The following CNTN4 variants were observed in gnomAD, a reference collection of about 807,000 sequenced individuals.
CNTN4 encodes contactin 4.
A neutral mutation model predicts 122.5 loss-of-function variants in CNTN4; 77 were observed. The observed-to-expected ratio is 0.63, with a 90% CI of 0.52 to 0.76. The LOEUF (loss-of-function observed/expected upper bound fraction) is 0.76. CNTN4 is among the 30% of genes least tolerant of loss of function. The pLI is 0.00. For synonymous variants in CNTN4, 512 were observed against 447.0 expected, an observed-to-expected ratio of 1.15 and a Z score of -1.83; for missense variants, 1,256 against 1,259.1, an observed-to-expected ratio of 1.00 and a Z score of 0.04.
chr3:2,966,481 A>G (rs982368673), intron 13 of CNTN4, among the ~76,000 whole-genome samples: 2 of 152,180 alleles, frequency 1.3e-5, no homozygotes, highest in African/African-American at 4.8e-5. Flanking sequence ...TACCAGAAGG[A>G]GGGAGGGGTG....
At chr3:2,591,141 A>G (rs987188054) in intron 4 of CNTN4, among the ~76,000 whole-genome samples, 1 of 152,192 alleles carries the variant, frequency 6.6e-6, no homozygotes, top group African/African-American at 2.4e-5. Flanking sequence ...GCATCTCACC[A>G]TCTAGACTGG....
chr3:2,514,524 G>A (rs140138806), intron 3 of CNTN4, among the ~76,000 whole-genome samples: 321 of 152,012 alleles, frequency 2.1e-3, no homozygotes, highest in African/African-American at 7.3e-3. Context: ...TTTAGTAACT[G>A]TAATACTTTT....
chr3:2,318,907 T>G (rs1030837480), intron 2 of CNTN4, among the ~76,000 whole-genome samples: 3 of 152,138 alleles, frequency 2.0e-5, no homozygotes, highest in African/African-American at 7.2e-5. Flanking sequence ...CCGCCCAAGT[T>G]GGGGATAACC....
intron 2 of CNTN4, among the ~76,000 whole-genome samples, chr3:2,330,845 G>A (rs1476842673): frequency 6.6e-6 from 1 of 152,072 alleles, no homozygotes; most frequent in East Asian, 1.9e-4. Flanking sequence ...AGAAACGTAG[G>A]TACTGTTTTC....
intron 4 of CNTN4, among the ~76,000 whole-genome samples, chr3:2,712,701 C>T (rs926286760): frequency 1.3e-5 from 2 of 152,140 alleles, no homozygotes; most frequent in African/African-American, 4.8e-5. Flanking sequence ...GGTCTGGTCA[C>T]CAGAAAGACA....
intron 2 of CNTN4, among the ~76,000 whole-genome samples, chr3:2,135,176 G>T (rs191906019): frequency 4.5e-4 from 68 of 152,244 alleles, no homozygotes; most frequent in African/African-American, 1.6e-3. Flanking sequence ...GAGCATTAGA[G>T]ATGGCCTGTG....
intron 2 of CNTN4, among the ~76,000 whole-genome samples, chr3:2,338,180 G>T (rs903889170): frequency 4.6e-5 from 7 of 152,022 alleles, no homozygotes; most frequent in Non-Finnish European, 7.4e-5. Context: ...GAATATATTA[G>T]CAATATGAAG....
At chr3:2,995,501 G>A (rs1182813109) in intron 14 of CNTN4, among the ~76,000 whole-genome samples, 1 of 152,152 alleles carries the variant, frequency 6.6e-6, no homozygotes, top group Non-Finnish European at 1.5e-5. Context: ...CCTTGGTCTA[G>A]AGGGAAGATG....
At chr3:2,726,195 C>T (rs2088211080) in intron 4 of CNTN4, among the ~76,000 whole-genome samples, 1 of 152,256 alleles carries the variant, frequency 6.6e-6, no homozygotes, top group African/African-American at 2.4e-5. Flanking sequence ...GTAAGCAATT[C>T]TAGACTACAA....
intron 7 of CNTN4, among the ~76,000 whole-genome samples, chr3:2,832,659 G>A (rs1262313131): frequency 6.6e-6 from 1 of 152,170 alleles, no homozygotes; most frequent in African/African-American, 2.4e-5. Context: ...GGGGAAGGGT[G>A]TTTCAGTTTA....
chr3:2,744,608 A>C (rs2089654669), intron 5 of CNTN4, among the ~76,000 whole-genome samples: 1 of 152,226 alleles, frequency 6.6e-6, no homozygotes, highest in South Asian at 2.1e-4. Context: ...GGGGTAAACG[A>C]ATCGGATAGT....
In CNTN4 at chr3:2,447,832, A is replaced by G. The variant is rs1424912733; in HGVS notation, c.-89+108599A>G. Among the ~76,000 whole-genome samples, 4 of 152,284 alleles carry G rather than the reference A, an allele frequency of 2.6e-5. No individual in the cohort carries two copies. The East Asian group carries it at 5.8e-4, about 22-fold the overall frequency. ...TGTTAATAAGTACTTCAAATGCATT[A>G]TCTCTTTCAATCCCTCAAGATTCCA... On this transcript the variant is annotated intron_variant, in intron 3 of 24. Transcript: ENST00000418658.
At chr3:2,900,140 A>G (rs1485011552) in intron 10 of CNTN4, among the ~76,000 whole-genome samples, 1 of 152,174 alleles carries the variant, frequency 6.6e-6, no homozygotes, top group Non-Finnish European at 1.5e-5. Context: ...TCTGCACCCA[A>G]GGCTATTTCA....
intron 6 of CNTN4, among the ~76,000 whole-genome samples, chr3:2,800,852 G>A (rs6796662): frequency 0.32 from 47,997 of 152,044 alleles, 8,042 homozygotes; most frequent in Non-Finnish European, 0.38. Context: ...TCTTCTACCT[G>A]AATGTTTTCC....
intron 2 of CNTN4, among the ~76,000 whole-genome samples, chr3:2,161,005 C>A (rs186386717): frequency 2.3e-3 from 346 of 152,076 alleles, no homozygotes; most frequent in Non-Finnish European, 3.7e-3. Context: ...TGGTTGTGTT[C>A]AGTGGTTAAA....
chr3:2,924,405 A>C (rs560124879), intron 12 of CNTN4, among the ~76,000 whole-genome samples: 13 of 152,208 alleles, frequency 8.5e-5, no homozygotes, highest in African/African-American at 3.1e-4. Flanking sequence ...CATGGTCTTA[A>C]ATATTAAATT....
Position 2,902,804 on chromosome 3 carries a change from C to T in CNTN4, c.1078-72C>T, listed in dbSNP as rs1158307145. ...TTCCCATTAAGCTTCCTTGATATTACACATGGTAAAATTGCCTTAAAGTCT... is the reference window on the plus strand; with the variant it reads ...TTCCCATTAAGCTTCCTTGATATTATACATGGTAAAATTGCCTTAAAGTCT... On this transcript the variant is annotated intron_variant, in intron 11 of 24. Coordinates refer to ENST00000418658, the MANE Select transcript of CNTN4 (RefSeq NM_175607.3). 1.3e-5 allele frequency: 19 copies of T among 1,506,658 alleles called. No homozygotes were observed. In the Admixed American group the frequency reaches 3.5e-4, roughly 28 times the overall value. The allele number at this position is 1,506,658 out of a possible 1,614,324, so 93.3% of individuals were successfully genotyped here. A position where few individuals can be genotyped will look rare whatever the true frequency, so the allele number is the denominator to read the frequency against.
intron 2 of CNTN4, among the ~76,000 whole-genome samples, chr3:2,239,243 A>G (rs1268903869): frequency 6.6e-6 from 1 of 152,164 alleles, no homozygotes; most frequent in Non-Finnish European, 1.5e-5. Flanking sequence ...GCAGTTGCCG[A>G]TAATCCTGTG....
At chr3:2,196,745 A>C (rs188694945) in intron 2 of CNTN4, among the ~76,000 whole-genome samples, 70 of 152,166 alleles carry the variant, frequency 4.6e-4, no homozygotes, top group African/African-American at 1.6e-3. Context: ...TTTCTATCCT[A>C]TGAAAAAGAA....
Sources: allele counts gnomAD v4.1 joint callset (sites outside exome capture counted in the v4.1 genomes callset), GRCh38; gene constraint gnomAD v4.1.1; transcripts MANE v1.5; gene names NCBI Gene and HGNC (gene_info 2026-07-23, HGNC 2026-07-21).